Variants in ZNF44 observed in about 807,000 individuals in gnomAD.
The protein encoded by ZNF44 is zinc finger protein 44.
Under a neutral mutation model 11.7 loss-of-function variants are expected in ZNF44, and 9 were observed. The observed-to-expected ratio is 0.77, with a 90% CI of 0.46 to 1.35. ZNF44 has a LOEUF of 1.35. Among genes scored for constraint, ZNF44 ranks in the 40% most tolerant of loss-of-function variants. The probability of loss-of-function intolerance (pLI) is 0.00; values close to 1 mark genes in which losing one functional copy is unlikely to be tolerated. For missense variants in ZNF44, 696 were observed against 743.1 expected, an observed-to-expected ratio of 0.94 and a Z score of 0.74; for synonymous variants, 224 against 242.7, an observed-to-expected ratio of 0.92 and a Z score of 0.72.
intron 2 of ZNF44, among the ~76,000 whole-genome samples, chr19:12,232,060 G>GT (rs1329405446): frequency 3.3e-5 from 5 of 152,366 alleles, no homozygotes; most frequent in African/African-American, 1.2e-4. Context: ...CAAGACAATA[G>GT]TGGGGAGAGG....
upstream of ZNF44, among the ~76,000 whole-genome samples, chr19:12,239,889 TA>T (rs1916553522): frequency 6.6e-6 from 1 of 152,026 alleles, no homozygotes; most frequent in Admixed American, 6.6e-5. Context: ...TGCGTTTTTA[TA>T]TAGTAACAAT....
chr19:12,247,631 C>T (rs1462891979), downstream of ZNF44: 4 of 1,339,318 alleles, frequency 3.0e-6, no homozygotes, highest in Non-Finnish European at 3.0e-6. Context: ...CAGTGTGCAT[C>T]CTTTCATGTC....
rs376177505 is a variant in ZNF44 at position 12,272,963 on chromosome 19, C to T, written c.1292G>A (p.Arg431His). ...ATGTTTTCGAAGGGAACTGGAAGTACGGAAGGCTTTCCCACATTGCTTGCA... is the reference window on the plus strand; with the variant it reads ...ATGTTTTCGAAGGGAACTGGAAGTATGGAAGGCTTTCCCACATTGCTTGCA... ...YECKQCGKAF[R>H]TSSSLRKHET... The change falls in exon 4 of 4, where the codon CGT (arginine) becomes CAT (histidine). Residue 431 changes from arginine (R) to histidine (H), a missense_variant. Physicochemically the swap from Arg to His is conservative, Grantham distance 29. Transcript: ENST00000355684. 24 of 1,613,694 alleles carry T rather than the reference C, an allele frequency of 1.5e-5. No homozygotes were observed. The highest frequency in any genetic ancestry group is 6.7e-5 in the Admixed American group (4 of 59,970).
chr19:12,239,400 G>C (rs56042158), upstream of ZNF44, among the ~76,000 whole-genome samples: 1 of 146,158 alleles, frequency 6.8e-6, no homozygotes, highest in Non-Finnish European at 1.5e-5. Context: ...GGGAGTGAGC[G>C]ACTGCACCTG....
intron 2 of ZNF44, among the ~76,000 whole-genome samples, chr19:12,233,446 A>G (rs1568419521): frequency 6.6e-6 from 1 of 152,004 alleles, no homozygotes; most frequent in African/African-American, 2.4e-5. Context: ...TCTAAACAAA[A>G]CAAAGCAAAT....
chr19:12,257,868 G>T (rs1485326079), intron 5 of ZNF44, among the ~76,000 whole-genome samples: 1 of 151,456 alleles, frequency 6.6e-6, no homozygotes, highest in East Asian at 1.9e-4. Context: ...CTACTCGGGA[G>T]GCCAAGGCAG....
intron 1 of ZNF44, among the ~76,000 whole-genome samples, chr19:12,282,076 CAT>C (rs1473812976): frequency 6.6e-6 from 1 of 152,212 alleles, no homozygotes; most frequent in East Asian, 1.9e-4. Context: ...ACATTACAGA[CAT>C]ATCTCCACCA....
At chr19:12,284,750 T>C in intron 1 of ZNF44, 1 of 796,140 alleles carries the variant, frequency 1.3e-6, no homozygotes, top group Admixed American at 2.0e-5. Context: ...AGGCAGCCAC[T>C]GCCATCCGCG....
At chr19:12,266,815 G>A (rs958667785), downstream of ZNF44, among the ~76,000 whole-genome samples, 3 of 152,108 alleles carry the variant, frequency 2.0e-5, no homozygotes, top group Non-Finnish European at 4.4e-5. Flanking sequence ...TGTACTAATG[G>A]GACTTTCTTT....
intron 5 of ZNF44, among the ~76,000 whole-genome samples, chr19:12,256,695 CTCTT>C (rs1459297905): frequency 0.052 from 7,055 of 134,828 alleles, 550 homozygotes; most frequent in African/African-American, 0.2. Context: ...AGAGCAATTA[CTCTT>C]TTTTTTTTTT....
chr19:12,267,071 G>A (rs1301265031), downstream of ZNF44, among the ~76,000 whole-genome samples: 1 of 142,968 alleles, frequency 7.0e-6, no homozygotes, highest in East Asian at 2.0e-4. Context: ...ACAGAGTCTT[G>A]CTCTGTCGCC....
At chr19:12,262,974 C>T (rs1193067114) in intron 5 of ZNF44, among the ~76,000 whole-genome samples, 2 of 152,186 alleles carry the variant, frequency 1.3e-5, no homozygotes. Flanking sequence ...GTCAAACACC[C>T]TAACAAGCTG....
At chr19:12,294,657 G>T (rs909347191) in intron 1 of ZNF44, 35 bp downstream of exon 1, 1 of 1,553,966 alleles carries the variant, frequency 6.4e-7, no homozygotes, top group Non-Finnish European at 8.7e-7. Flanking sequence ...CCAGCCCTTC[G>T]CCCTGCCTCA....
chr19:12,272,459 G>C lies in ZNF44; in HGVS notation c.1796C>G (p.Ser599Cys). ...TTTATGTCTATTAAAGGAACTGAGA[G>C]AACTGAAGGCTTTCCCACATTCCTT... ...ECKECGKAFS[S>C]LSSFNRHKRT... Residue 599 changes from serine to cysteine, a missense_variant, in exon 4 of 4, where the codon TCT becomes TGT. Physicochemically the swap from Ser to Cys is moderately radical, Grantham distance 112 (BLOSUM62 -1). Coordinates refer to ENST00000355684, the MANE Select transcript of ZNF44 (RefSeq NM_016264.4). 6.3e-7 allele frequency: 1 copy of C among 1,593,206 alleles called. No homozygotes were observed. The highest frequency in any genetic ancestry group is 8.5e-7 in the Non-Finnish European group (1 of 1,172,488).
At chr19:12,287,310 G>A (rs1027687933) in intron 1 of ZNF44, among the ~76,000 whole-genome samples, 4 of 151,992 alleles carry the variant, frequency 2.6e-5, no homozygotes, top group African/African-American at 9.7e-5. Context: ...CGCCTCCTGG[G>A]TTCAAGGGAT....
intron 5 of ZNF44, among the ~76,000 whole-genome samples, chr19:12,251,811 G>T (rs906362133): frequency 6.6e-6 from 1 of 152,110 alleles, no homozygotes; most frequent in African/African-American, 2.4e-5. Context: ...CAGCACTTTG[G>T]GGGGCCGAGG....
At chr19:12,241,393 A>G (rs1916609268), upstream of ZNF44, among the ~76,000 whole-genome samples, 1 of 152,220 alleles carries the variant, frequency 6.6e-6, no homozygotes, top group African/African-American at 2.4e-5. Flanking sequence ...CTAGGTATGT[A>G]TCTAAAAGAA....
chr19:12,247,904 A>G (rs1342037592), exon 8 of ZNF44: 1 of 1,337,062 alleles, frequency 7.5e-7, no homozygotes, highest in Non-Finnish European at 9.9e-7. Flanking sequence ...TTTGAGCAGT[A>G]CAGTGGTAAC....
exon 8 of ZNF44, chr19:12,247,779 G>T: frequency 1.5e-6 from 2 of 1,305,458 alleles, no homozygotes; most frequent in South Asian, 1.2e-5. Flanking sequence ...ACACTCAAAG[G>T]GTTTATCTCC....
Sources: allele counts gnomAD v4.1 joint callset (sites outside exome capture counted in the v4.1 genomes callset), GRCh38; gene constraint gnomAD v4.1.1; transcripts MANE v1.5; gene names NCBI Gene and HGNC (gene_info 2026-07-23, HGNC 2026-07-21).